Variants in IGSF5 observed in about 807,000 individuals in gnomAD.
IGSF5 encodes immunoglobulin superfamily member 5, also known as immunoglobulin superfamily 5 like.
A neutral mutation model predicts 39.4 loss-of-function variants in IGSF5; 41 were observed. The observed-to-expected ratio is 1.04, with a 90% CI of 0.81 to 1.35. The LOEUF (loss-of-function observed/expected upper bound fraction) is 1.35. Among genes scored for constraint, IGSF5 ranks in the 40% most tolerant of loss-of-function variants. IGSF5 has a pLI of 0.00. For missense variants in IGSF5, 487 were observed against 494.6 expected (o/e 0.98, Z 0.15); for synonymous variants, 183 against 175.3 (o/e 1.04, Z -0.34).
At chr21:39,771,295 C>T (rs937406286) in intron 4 of IGSF5, 80 bp downstream of exon 4, 43 of 1,306,296 alleles carry the variant, frequency 3.3e-5, no homozygotes, top group Admixed American at 8.3e-5. Flanking sequence ...CCTTCATCCA[C>T]GATGCCTGGA....
chr21:39,790,253 G>A (rs954036324), intron 6 of IGSF5, among the ~76,000 whole-genome samples: 8 of 152,204 alleles, frequency 5.3e-5, no homozygotes, highest in African/African-American at 1.7e-4. Flanking sequence ...TGGCACGTGA[G>A]TGTCAGTGGC....
At chr21:39,778,156 C>T (rs904691054) in intron 4 of IGSF5, among the ~76,000 whole-genome samples, 1 of 152,144 alleles carries the variant, frequency 6.6e-6, no homozygotes, top group Non-Finnish European at 1.5e-5. Flanking sequence ...TGGATGAAAA[C>T]TCTCTTGGGA....
chr21:39,726,486 C>T, the IGSF5 span, among the ~76,000 whole-genome samples: 1 of 151,900 alleles, frequency 6.6e-6, no homozygotes, highest in Non-Finnish European at 1.5e-5. Flanking sequence ...TGTTAGCTGG[C>T]CTCTCTCCTC....
At chr21:39,720,945 A>G in the IGSF5 span, among the ~76,000 whole-genome samples, 1 of 152,132 alleles carries the variant, frequency 6.6e-6, no homozygotes, top group Admixed American at 6.5e-5. Flanking sequence ...AACAAAACCA[A>G]CCACAGCCAC....
intron 2 of IGSF5, among the ~76,000 whole-genome samples, chr21:39,757,867 G>A (rs963550450): frequency 1.3e-5 from 2 of 152,102 alleles, no homozygotes; most frequent in Admixed American, 6.5e-5. Context: ...GTGAGCCACC[G>A]CGCCCAGACT....
At chr21:39,762,912 C>T (rs2837181) in intron 2 of IGSF5, among the ~76,000 whole-genome samples, 69,985 of 151,724 alleles carry the variant, frequency 0.46, 16,604 homozygotes, top group African/African-American at 0.53. Context: ...GGTTCTCGGG[C>T]GGGAGGAGAC....
intron 2 of IGSF5, among the ~76,000 whole-genome samples, chr21:39,762,869 C>T (rs1363147455): frequency 1.3e-5 from 2 of 152,002 alleles, no homozygotes; most frequent in African/African-American, 2.4e-5. Context: ...GCCATTGGTC[C>T]TTAGTGACAA....
At chr21:39,741,313 G>A (rs971912960), upstream of IGSF5, among the ~76,000 whole-genome samples, 2 of 152,092 alleles carry the variant, frequency 1.3e-5, no homozygotes, top group Admixed American at 6.6e-5. Context: ...ATCCATATTC[G>A]GCAGAAACCT....
chr21:39,799,491 T>A (rs940372692), intron 8 of IGSF5, among the ~76,000 whole-genome samples: 3 of 152,082 alleles, frequency 2.0e-5, no homozygotes, highest in Non-Finnish European at 4.4e-5. Flanking sequence ...CCAGGTGATC[T>A]GCTTTGAGGA....
chr21:39,796,873 C>T (rs1410615556), intron 8 of IGSF5, among the ~76,000 whole-genome samples: 2 of 152,186 alleles, frequency 1.3e-5, no homozygotes, highest in African/African-American at 2.4e-5. Flanking sequence ...CATGGAGATG[C>T]GGCAGGCACA....
chr21:39,790,099 T>C lies in IGSF5; in HGVS notation c.957-1909T>C, dbSNP rs575348219. 3.9e-5 allele frequency among the ~76,000 whole-genome samples: 6 copies of C among 152,220 alleles called. No homozygotes were observed. In the South Asian group the frequency reaches 1.2e-3, roughly 32 times the overall value. ...CCTAGACCCCGGTCAAATTGCTGCC[T>C]ACCCCTCCTCCCCAAAGGTGACATT... On this transcript the variant is annotated intron_variant, in intron 6 of 8. Transcript: ENST00000380588.
the IGSF5 span, among the ~76,000 whole-genome samples, chr21:39,731,878 TTTG>T: frequency 6.6e-6 from 1 of 152,160 alleles, no homozygotes; most frequent in Non-Finnish European, 1.5e-5. Context: ...TTTGTAATAG[TTTG>T]TTATTTGCCA....
chr21:39,752,910 G>C (rs1241520978), intron 2 of IGSF5, among the ~76,000 whole-genome samples: 1 of 151,670 alleles, frequency 6.6e-6, no homozygotes, highest in African/African-American at 2.4e-5. Context: ...GTCCTTTGTT[G>C]GAGGCATAGT....
At chr21:39,713,351 A>G in the IGSF5 span, among the ~76,000 whole-genome samples, 2 of 152,216 alleles carry the variant, frequency 1.3e-5, no homozygotes, top group East Asian at 3.9e-4. Context: ...CCTGACCTGA[A>G]CCCAGGTCAT....
At chr21:39,744,481 C>T (rs1201978228), upstream of IGSF5, among the ~76,000 whole-genome samples, 1 of 152,216 alleles carries the variant, frequency 6.6e-6, no homozygotes, top group Non-Finnish European at 1.5e-5. Context: ...TCTAACTCTG[C>T]TTCCACAAGA....
chr21:39,776,532 G>C (rs1014487571), intron 4 of IGSF5, among the ~76,000 whole-genome samples: 1 of 152,094 alleles, frequency 6.6e-6, no homozygotes, highest in Admixed American at 6.5e-5. Flanking sequence ...TTAAATTAAG[G>C]GACAAAAGAG....
chr21:39,788,086 G>A, intron 5 of IGSF5, 81 bp from the exon 6 acceptor site: 2 of 1,030,850 alleles, frequency 1.9e-6, no homozygotes, highest in South Asian at 2.9e-5. Flanking sequence ...TTAAAATAAG[G>A]GAGTGTATAA....
chr21:39,763,504 T>A (rs2080070857), intron 2 of IGSF5, among the ~76,000 whole-genome samples: 1 of 152,234 alleles, frequency 6.6e-6, no homozygotes, highest in African/African-American at 2.4e-5. Flanking sequence ...ATTGTATGAT[T>A]CCGTAGTGAC....
the IGSF5 span, among the ~76,000 whole-genome samples, chr21:39,719,649 A>G: frequency 6.6e-6 from 1 of 152,256 alleles, no homozygotes; most frequent in Non-Finnish European, 1.5e-5. Context: ...ATTCCTGTGC[A>G]TGCAATATAC....
Sources: allele counts gnomAD v4.1 joint callset (sites outside exome capture counted in the v4.1 genomes callset), GRCh38; gene constraint gnomAD v4.1.1; transcripts MANE v1.5; gene names NCBI Gene and HGNC (gene_info 2026-07-23, HGNC 2026-07-21).